DOCK8: variants seen among roughly 807,000 people sequenced by gnomAD.
DOCK8 encodes dedicator of cytokinesis protein 8.
DOCK8 carries 141 observed loss-of-function variants against 245.6 expected under a neutral mutation model. That is an observed-to-expected ratio of 0.57 (90% CI 0.50 to 0.66). DOCK8 has a LOEUF of 0.66. Ranked by LOEUF, DOCK8 falls within the 30% of genes least tolerant of loss-of-function variation. The pLI, the probability that DOCK8 is intolerant of heterozygous loss-of-function variation, is 0.00. For synonymous variants in DOCK8, 1,168 were observed against 970.2 expected, an observed-to-expected ratio of 1.20 and a Z score of -3.79; for missense variants, 2,965 against 2,603.4, an observed-to-expected ratio of 1.14 and a Z score of -3.02.
intron 28 of DOCK8, among the ~76,000 whole-genome samples, chr9:407,319 T>A (rs997476527): frequency 1.3e-5 from 2 of 152,210 alleles, no homozygotes; most frequent in African/African-American, 4.8e-5. Flanking sequence ...ACTATTTCAG[T>A]GGAATTTACC....
intron 1 of DOCK8, among the ~76,000 whole-genome samples, chr9:248,234 G>T (rs1166766556): frequency 2.6e-5 from 4 of 152,178 alleles, no homozygotes; most frequent in Admixed American, 2.6e-4. Flanking sequence ...TGTTTTGCCT[G>T]TTTCTCCCTA....
At chr9:248,727 C>G (rs1262820683) in intron 1 of DOCK8, among the ~76,000 whole-genome samples, 1 of 152,136 alleles carries the variant, frequency 6.6e-6, no homozygotes, top group Non-Finnish European at 1.5e-5. Context: ...GTCCTATTCA[C>G]CAACATGAAT....
chr9:292,097 C>T (rs1053757388), intron 4 of DOCK8, among the ~76,000 whole-genome samples: 3 of 127,630 alleles, frequency 2.4e-5, no homozygotes, highest in African/African-American at 8.6e-5. Flanking sequence ...AAAAGCCAGG[C>T]ACGGTGCTCA....
rs779406988 is a variant in DOCK8 at position 220,733 on chromosome 9, C to CT, written c.53+5711dup. ...AATTTCTTTCTTTTTTTTTTTTTTT[C>CT]TTTTTTTGAGACAGTCATGCTCTGT... On this transcript the variant is annotated intron_variant, in intron 1 of 47. Transcript: ENST00000432829. 9.5e-4 allele frequency: 236 copies of CT among 249,492 alleles called. 1 individual carries two copies. Among genetic ancestry groups the CT allele is most frequent in the South Asian group, 7.1e-3 (229 of 32,350 alleles). 15.5% of individuals were successfully genotyped at this position (249,492 alleles called of 1,614,324 possible). A position where few individuals can be genotyped will look rare whatever the true frequency, so the allele number is the denominator to read the frequency against.
At chr9:390,129 C>T (rs1488401130) in intron 23 of DOCK8, among the ~76,000 whole-genome samples, 1 of 152,118 alleles carries the variant, frequency 6.6e-6, no homozygotes, top group Non-Finnish European at 1.5e-5. Flanking sequence ...AGAGAGTTTT[C>T]AGCAGGACCC....
intron 33 of DOCK8, among the ~76,000 whole-genome samples, chr9:423,233 A>C (rs1354890595): frequency 2.0e-5 from 3 of 152,174 alleles, no homozygotes; most frequent in Admixed American, 6.5e-5. Context: ...TTTGGATCAA[A>C]ATCTATGCTA....
chr9:239,601 A>G (rs1346228491), intron 1 of DOCK8, among the ~76,000 whole-genome samples: 1 of 152,226 alleles, frequency 6.6e-6, no homozygotes, highest in Non-Finnish European at 1.5e-5. Flanking sequence ...ATTCTTTTCA[A>G]AAATGAAGAA....
chr9:298,533 C>G (rs907703466), intron 4 of DOCK8, among the ~76,000 whole-genome samples: 7 of 152,006 alleles, frequency 4.6e-5, no homozygotes, highest in Non-Finnish European at 1.0e-4. Flanking sequence ...TTAGAATTCA[C>G]CTCATGTTCA....
upstream of DOCK8, among the ~76,000 whole-genome samples, chr9:211,578 A>C (rs186383749): frequency 6.6e-6 from 1 of 152,324 alleles, no homozygotes; most frequent in Admixed American, 6.5e-5. Context: ...AATGAAAGCC[A>C]CTGTGAGAAC....
chr9:316,949 C>G (rs2050372640), intron 6 of DOCK8, 94 bp from the exon 7 acceptor site: 8 of 972,768 alleles, frequency 8.2e-6, no homozygotes, highest in Non-Finnish European at 1.0e-5. Context: ...TTAACTTGAG[C>G]CGTGGAGGGT....
intron 18 of DOCK8, among the ~76,000 whole-genome samples, chr9:372,525 A>G (rs1346372675): frequency 6.6e-6 from 1 of 152,216 alleles, no homozygotes; most frequent in African/African-American, 2.4e-5. Flanking sequence ...TGCATTATCT[A>G]CCACAGAGGG....
At chr9:406,844 T>A (rs1171865181) in intron 27 of DOCK8, 86 bp from the exon 28 acceptor site, 8 of 1,581,420 alleles carry the variant, frequency 5.1e-6, no homozygotes, top group African/African-American at 2.7e-5. Flanking sequence ...GAAGCCTGGC[T>A]GGGGCGAGGA....
intron 2 of DOCK8, among the ~76,000 whole-genome samples, chr9:282,413 G>GTTTT (rs58014606): frequency 7.6e-6 from 1 of 131,768 alleles, no homozygotes; most frequent in African/African-American, 2.8e-5. Flanking sequence ...GTTTCGTTTT[G>GTTTT]TTTTTTTTTT....
chr9:399,006 C>G (rs1409283179), intron 25 of DOCK8, 140 bp from the exon 26 acceptor site: 2 of 734,310 alleles, frequency 2.7e-6, no homozygotes, highest in Non-Finnish European at 4.8e-6. Context: ...AAAGGAGACT[C>G]AACTACTTCG....
At chr9:281,103 A>C (rs2048563451) in intron 2 of DOCK8, among the ~76,000 whole-genome samples, 1 of 152,152 alleles carries the variant, frequency 6.6e-6, no homozygotes, top group South Asian at 2.1e-4. Flanking sequence ...AAATGACAAC[A>C]ATTAGCCAGG....
At position 412,362 on chromosome 9, in the gene DOCK8, G is replaced by A. The variant is rs866906714; in HGVS notation, c.3531-2420G>A. 6.2e-4 allele frequency among the ~76,000 whole-genome samples: 90 copies of A among 144,046 alleles called. 1 individual carries two copies. In the Middle Eastern group the frequency reaches 0.015, roughly 24 times the overall value. The allele number at this position is 144,046 out of a possible 152,430, so 94.5% of individuals were successfully genotyped here. ...GGAGGTTGTAGTGAGCTGAGATCAC[G>A]CTACTGCACTCCAGCCTGGGCCACA... is the stretch of plus-strand genomic sequence containing the variant. On this transcript the variant is annotated intron_variant, in intron 28 of 47. Coordinates refer to ENST00000432829, the MANE Select transcript of DOCK8 (RefSeq NM_203447.4).
intron 14 of DOCK8, among the ~76,000 whole-genome samples, chr9:343,119 T>A: frequency 6.6e-6 from 1 of 152,196 alleles, no homozygotes; most frequent in East Asian, 1.9e-4. Flanking sequence ...AGAGCTCACC[T>A]GATCCAAGCA....
chr9:212,370 A>G (rs1390039021), upstream of DOCK8, among the ~76,000 whole-genome samples: 1 of 152,172 alleles, frequency 6.6e-6, no homozygotes, highest in Non-Finnish European at 1.5e-5. Flanking sequence ...GGTGAAAAAC[A>G]AAATTGAATG....
intron 7 of DOCK8, among the ~76,000 whole-genome samples, chr9:318,143 G>T (rs1234439623): frequency 6.6e-6 from 1 of 152,188 alleles, no homozygotes; most frequent in East Asian, 1.9e-4. Flanking sequence ...TACCCTCGGA[G>T]TGCCTCCATA....
Sources: gnomAD v4.1 joint callset for allele counts (sites outside exome capture counted in the v4.1 genomes callset) on GRCh38, gnomAD v4.1.1 for gene constraint, MANE v1.5 for transcripts, NCBI Gene and HGNC (gene_info 2026-07-23, HGNC 2026-07-21) for gene names.